DTX3L: variants seen among roughly 807,000 people sequenced by gnomAD.
The protein encoded by DTX3L is deltex E3 ubiquitin ligase 3L.
Under a neutral mutation model 60.9 loss-of-function variants are expected in DTX3L, and 34 were observed. The ratio of observed to expected loss-of-function variants is 0.56; its 90% CI spans 0.42 to 0.74. The LOEUF is 0.74. Ranked by LOEUF, DTX3L falls within the 30% of genes least tolerant of loss-of-function variation. The pLI is 0.00. For synonymous variants in DTX3L, 290 were observed against 316.6 expected, an observed-to-expected ratio of 0.92 and a Z score of 0.89; for missense variants, 810 against 874.0, an observed-to-expected ratio of 0.93 and a Z score of 0.92.
chr3:122,565,327 C>A (rs979554825), intron 1 of DTX3L, among the ~76,000 whole-genome samples: 26 of 151,884 alleles, frequency 1.7e-4, no homozygotes, highest in African/African-American at 6.3e-4. Flanking sequence ...GCCTGGCCAA[C>A]ATGGGGAAAT....
Position 122,569,198 on chromosome 3 carries a change from C to T in DTX3L, c.1109C>T (p.Ala370Val), listed in dbSNP as rs747357624. The change falls in exon 3 of 5, where the codon GCT becomes GTT. Residue 370 changes from alanine (A) to valine (V), a missense_variant. Transcript: ENST00000296161. ...AFVKIPVKLF[A>V]ANYMMNVIEV... ...GTCAAGATACCTGTGAAACTATTTG[C>T]TGCCAATTACATGATGAATGTAATT... is the stretch of plus-strand genomic sequence containing the variant. 4.3e-6 allele frequency: 7 copies of T among 1,614,168 alleles called. No homozygotes were observed. The South Asian group carries it at 7.7e-5, about 18-fold the overall frequency.
rs773910187 is a variant in DTX3L, at chr3:122,569,403, C to T, written c.1314C>T (p.Ile438=). The change falls in exon 3 of 5, where the codon ATC becomes ATT. Residue 438 remains isoleucine (I), a synonymous_variant. Transcript: ENST00000296161. ...DLSVHAYASF[I]DAFQHASCQL... The stretch of plus-strand genomic sequence containing the variant: ...CTGTGCATGCTTATGCAAGTTTCAT[C>T]GATGCCTTTCAACATGCCTCATGTC... 14 of 1,614,034 alleles carry T rather than the reference C, an allele frequency of 8.7e-6. No homozygotes were observed. In the East Asian group the frequency reaches 1.3e-4, roughly 15 times the overall value.
rs1259947205 is a variant in DTX3L, at chr3:122,571,658, A to C, written c.2154-20A>C. 6 of 1,601,400 alleles carry C rather than the reference A, an allele frequency of 3.7e-6. No individual in the cohort carries two copies. Among genetic ancestry groups the C allele is most frequent in the Non-Finnish European group, 5.1e-6 (6 of 1,172,776 alleles). On this transcript the variant is annotated intron_variant, in intron 4 of 4. Coordinates refer to ENST00000296161, the MANE Select transcript of DTX3L (RefSeq NM_138287.3). ...TCCGAACAATTTGTGGTGACACTAAAGGAATTTTTGTTTCTTCAGGTATGG... is the reference window on the plus strand; with the variant it reads ...TCCGAACAATTTGTGGTGACACTAACGGAATTTTTGTTTCTTCAGGTATGG...
intron 3 of DTX3L, 142 bp from the exon 4 acceptor site, chr3:122,570,313 T>C: frequency 1.2e-6 from 1 of 865,122 alleles, no homozygotes; most frequent in Non-Finnish European, 1.8e-6. Context: ...AGAGGAGAAA[T>C]ATGAGTTATT....
At chr3:122,565,769 G>A (rs1300912867) in intron 1 of DTX3L, 90 bp from the exon 2 acceptor site, 11 of 1,312,530 alleles carry the variant, frequency 8.4e-6, no homozygotes, top group Non-Finnish European at 1.2e-5. Context: ...AGGTGCTGGG[G>A]CAGAGTACAG....
chr3:122,568,790 ACTATTTTGAAGTTCC>A lies in DTX3L; in HGVS notation c.704_718del (p.Tyr235_Pro239del), dbSNP rs746792335. On this transcript the variant is annotated inframe_deletion, in exon 3 of 5. Transcript: ENST00000296161. ...GAAACCAAGGCAGAACAAAAAAGCA[ACTATTTTGAAGTTCC>A]CTTGCCTTACTTTGAATACTTTAAA... 7.4e-6 allele frequency: 12 copies of A among 1,614,110 alleles called. No homozygotes were observed. The South Asian group carries it at 1.3e-4, about 18-fold the overall frequency.
chr3:122,566,521 C>T (rs1320856829), intron 2 of DTX3L, among the ~76,000 whole-genome samples: 2 of 145,314 alleles, frequency 1.4e-5, no homozygotes, highest in Non-Finnish European at 3.1e-5. Flanking sequence ...CGCCACTACA[C>T]CCAGCCAATT....
rs1437803848 is a variant in DTX3L, at chr3:122,574,505, A to T, written c.*2758A>T. The T allele has an allele frequency of 2.6e-5, 4 of 152,230 alleles. No homozygotes were observed. Among genetic ancestry groups the T allele is most frequent in the Admixed American group, 6.5e-5 (1 of 15,286 alleles). 9.4% of individuals were successfully genotyped at this position (152,230 alleles called of 1,614,324 possible). A position where few individuals can be genotyped will look rare whatever the true frequency, so the allele number is the denominator to read the frequency against. ...ACACATGTACAAATTTTTTTATCAG[A>T]TAATAATAGCTAATATTTAATGAGT... is the stretch of plus-strand genomic sequence containing the variant. On this transcript the variant is annotated 3_prime_UTR_variant, in exon 5 of 5. Transcript: ENST00000296161.
chr3:122,565,091 G>A (rs1202711344), intron 1 of DTX3L, among the ~76,000 whole-genome samples: 1 of 152,204 alleles, frequency 6.6e-6, no homozygotes, highest in Non-Finnish European at 1.5e-5. Flanking sequence ...GATAAACAAT[G>A]TGACCATTTG....
chr3:122,569,745 A>T lies in DTX3L; in HGVS notation c.1656A>T (p.Glu552Asp), dbSNP rs777245339. ...GCTCTGTGAGTTCTGAGGCCTCAGA[A>T]CTGGACAAGAAGGAAAAGGGCATCT... is the stretch of plus-strand genomic sequence containing the variant. The part of the protein sequence containing the change: ...LKGSVSSEAS[E>D]LDKKEKGICV... The change falls in exon 3 of 5, where the codon GAA (glutamate) becomes GAT (aspartate). Residue 552 changes from glutamate to aspartate, a missense_variant. Coordinates refer to ENST00000296161, the MANE Select transcript of DTX3L (RefSeq NM_138287.3). 3 of 1,614,170 alleles carry T rather than the reference A, an allele frequency of 1.9e-6. No homozygotes were observed. The South Asian group carries it at 3.3e-5, about 18-fold the overall frequency.
In DTX3L at chr3:122,564,482, G is replaced by T. The variant is rs147040203; in HGVS notation, c.56G>T (p.Gly19Val). 4.9e-5 allele frequency: 79 copies of T among 1,612,634 alleles called. No individual in the cohort carries two copies. Among genetic ancestry groups the T allele is most frequent in the Non-Finnish European group, 4.8e-5 (57 of 1,179,402 alleles). The change falls in exon 1 of 5, where the codon GGC (glycine) becomes GTC (valine). Residue 19 changes from glycine (G) to valine (V), a missense_variant. Transcript: ENST00000296161. ...SPLLVRVYKS[G>V]PRVRRKLESY... ...CTCCTCGTGCGGGTGTACAAGTCCG[G>T]CCCCCGAGTACGAAGGAAGCTGGAG... is the stretch of plus-strand genomic sequence containing the variant.
Position 122,570,456 on chromosome 3 carries a change from A to T in DTX3L, c.1937A>T (p.Glu646Val). ...TGACATTTTCTTGTTCTCACACAGGAAGAACACCCAAACCCAGGAAAGAGA... is the reference window on the plus strand; with the variant it reads ...TGACATTTTCTTGTTCTCACACAGGTAGAACACCCAAACCCAGGAAAGAGA... ...TYSMKAGIQT[E>V]EHPNPGKRYP... The change falls in exon 4 of 5, where the codon GAA becomes GTA. Residue 646 changes from glutamate to valine, a missense_variant and splice_region_variant. Transcript: ENST00000296161. 4 of 1,614,058 alleles carry T rather than the reference A, an allele frequency of 2.5e-6. No individual in the cohort carries two copies. The highest frequency in any genetic ancestry group is 3.4e-6 in the Non-Finnish European group (4 of 1,179,920).
chr3:122,570,636 T>G lies in DTX3L; in HGVS notation c.2117T>G (p.Ile706Ser). Residue 706 changes from isoleucine to serine, a missense_variant, in exon 4 of 5, where the codon ATT becomes AGT. Transcript: ENST00000296161. ...GVSDVITWND[I>S]HHKTSRFGGP... ...TCAGATGTCATCACTTGGAATGATA[T>G]TCACCACAAAACATCCCGGTTTGGA... 6.2e-7 allele frequency: 1 copy of G among 1,614,184 alleles called. No homozygotes were observed. The highest frequency in any genetic ancestry group is 8.5e-7 in the Non-Finnish European group (1 of 1,180,024).
intron 2 of DTX3L, among the ~76,000 whole-genome samples, chr3:122,566,976 G>A (rs1040733633): frequency 3.9e-5 from 6 of 152,326 alleles, no homozygotes; most frequent in African/African-American, 1.2e-4. Context: ...TAGGATGTCT[G>A]GAAAAACCTC....
At position 122,564,570 on chromosome 3, in the gene DTX3L, C is replaced by G; in HGVS notation, c.144C>G (p.His48Gln). The change falls in exon 1 of 5, where the codon CAC becomes CAG. Residue 48 changes from histidine (H) to glutamine (Q), a missense_variant. Physicochemically the swap from His to Gln is conservative, Grantham distance 24. Coordinates refer to ENST00000296161, the MANE Select transcript of DTX3L (RefSeq NM_138287.3). Reference protein sequence around the residue: ...GGECTVSTQEHEAPGTFRVEF... With the variant: ...GGECTVSTQEQEAPGTFRVEF... Reference sequence around the variant, plus strand: ...AGTGCACGGTCAGCACCCAGGAACACGAAGCCCCGGGCACCTTCCGGGTGG... The same window carrying G: ...AGTGCACGGTCAGCACCCAGGAACAGGAAGCCCCGGGCACCTTCCGGGTGG... The G allele has an allele frequency of 6.2e-7, 1 of 1,605,616 alleles. No homozygotes were observed. Among genetic ancestry groups the G allele is most frequent in the Non-Finnish European group, 8.5e-7 (1 of 1,175,850 alleles).
intron 3 of DTX3L, 64 bp from the exon 4 acceptor site, chr3:122,570,385 CACATCT>C: frequency 6.9e-7 from 1 of 1,447,678 alleles, no homozygotes; most frequent in Non-Finnish European, 9.6e-7. Flanking sequence ...TACAAATGAA[CACATCT>C]ATACCTATAG....
chr3:122,565,527 A>AAAAAAAAAG (rs2080560825), intron 1 of DTX3L, among the ~76,000 whole-genome samples: 2 of 150,864 alleles, frequency 1.3e-5, no homozygotes, highest in South Asian at 2.1e-4. Flanking sequence ...AAAAAAAAAA[A>AAAAAAAAAG]AAAAAAAAGA....
In DTX3L at chr3:122,569,919, G is replaced by T. The variant is rs770214852; in HGVS notation, c.1830G>T (p.Gln610His). The T allele has an allele frequency of 1.9e-6, 3 of 1,614,020 alleles. No homozygotes were observed. Among genetic ancestry groups the T allele is most frequent in the Non-Finnish European group, 2.5e-6 (3 of 1,180,018 alleles). ...CCTATGGTATTCAGAAAGGAAATCA[G>T]CCAGAGGGAAGCATGGTTTTCACTG... ...QTSYGIQKGNQPEGSMVFTVS... is the reference protein window; with the variant it reads ...QTSYGIQKGNHPEGSMVFTVS... The change falls in exon 3 of 5, where the codon CAG (glutamine) becomes CAT (histidine). Residue 610 changes from glutamine (Q) to histidine (H), a missense_variant. Physicochemically the swap from Gln to His is conservative, Grantham distance 24. Coordinates refer to ENST00000296161, the MANE Select transcript of DTX3L (RefSeq NM_138287.3).
Position 122,569,598 on chromosome 3 carries a change from G to C in DTX3L, c.1509G>C (p.Lys503Asn). 1.2e-6 allele frequency: 2 copies of C among 1,614,198 alleles called. No homozygotes were observed. Among genetic ancestry groups the C allele is most frequent in the East Asian group, 4.5e-5 (2 of 44,890 alleles). ...TGLPNHLAKA[K>N]QYVLKGGGMS... Reference sequence around the variant, plus strand: ...TGCCAAATCACCTTGCAAAGGCGAAGCAGTATGTTCTAAAAGGAGGAGGAA... The same window carrying C: ...TGCCAAATCACCTTGCAAAGGCGAACCAGTATGTTCTAAAAGGAGGAGGAA... The change falls in exon 3 of 5, where the codon AAG (lysine) becomes AAC (asparagine). Residue 503 changes from lysine to asparagine, a missense_variant. Coordinates refer to ENST00000296161, the MANE Select transcript of DTX3L (RefSeq NM_138287.3).
Sources: allele counts gnomAD v4.1 joint callset (sites outside exome capture counted in the v4.1 genomes callset), GRCh38; gene constraint gnomAD v4.1.1; transcripts MANE v1.5; gene names NCBI Gene and HGNC (gene_info 2026-07-23, HGNC 2026-07-21).